The following TAPBPL variants were observed in gnomAD, a reference collection of about 807,000 sequenced individuals.
TAPBPL encodes tapasin-related protein.
A neutral mutation model predicts 44.8 loss-of-function variants in TAPBPL; 32 were observed. The ratio of observed to expected loss-of-function variants is 0.71; its 90% confidence interval spans 0.54 to 0.96. The LOEUF (loss-of-function observed/expected upper bound fraction) is 0.96. Ranked by LOEUF, TAPBPL falls within the 40% of genes least tolerant of loss-of-function variation. The pLI is 0.00. For missense variants in TAPBPL, 520 were observed against 586.6 expected, an observed-to-expected ratio of 0.89 and a Z score of 1.17; for synonymous variants, 230 against 240.7, an observed-to-expected ratio of 0.96 and a Z score of 0.41.
chr12:6,467,397 G>A (rs367929189), downstream of TAPBPL, among the ~76,000 whole-genome samples: 196 of 152,244 alleles, frequency 1.3e-3, 1 homozygote, highest in African/African-American at 4.2e-3. Context: ...AGGCTGAGGT[G>A]GTCTCAGATG....
In TAPBPL at chr12:6,453,223, C is replaced by T; in HGVS notation, c.221C>T (p.Ser74Phe). 1 of 1,613,842 alleles carries T rather than the reference C, an allele frequency of 6.2e-7. No individual in the cohort carries two copies. The highest frequency in any genetic ancestry group is 8.5e-7 in the Non-Finnish European group (1 of 1,179,922). Residue 74 changes from serine to phenylalanine, a missense_variant, in exon 2 of 7, where the codon TCC becomes TTC. Physicochemically the swap from Ser to Phe is radical, Grantham distance 155. Transcript: ENST00000266556. The surrounding 1 kb of genome is among the most constrained non-coding windows in gnomAD (Gnocchi z 4.8). ...LKQVPVLDDG[S>F]LEDFTDFQGG... Reference sequence around the variant, plus strand: ...CAGGTGCCAGTGCTGGACGATGGCTCCCTGGAGGACTTCACCGATTTCCAA... The same window carrying T: ...CAGGTGCCAGTGCTGGACGATGGCTTCCTGGAGGACTTCACCGATTTCCAA...
At chr12:6,466,364 A>G (rs1950025798), downstream of TAPBPL, 1 of 1,611,298 alleles carries the variant, frequency 6.2e-7, no homozygotes, top group African/African-American at 1.3e-5. Context: ...GTGGAAAGAC[A>G]TGTGCAGAGT....
chr12:6,467,358 T>C (rs972535319), downstream of TAPBPL, among the ~76,000 whole-genome samples: 6 of 152,144 alleles, frequency 3.9e-5, no homozygotes, highest in Admixed American at 2.6e-4. Flanking sequence ...TTGACAAAAA[T>C]GCTGTTAGTG....
downstream of TAPBPL, chr12:6,465,416 A>ATATATATATACATGTATATATATGTG (rs1565526280): frequency 1.1e-5 from 1 of 93,504 alleles, no homozygotes; most frequent in Non-Finnish European, 1.9e-5. Context: ...ATATATATGT[A>ATATATATATACATGTATATATATGTG]TATATATATA....
chr12:6,465,419 T>A (rs1447041360), downstream of TAPBPL: 33 of 103,096 alleles, frequency 3.2e-4, no homozygotes, highest in East Asian at 1.3e-3. Flanking sequence ...TATATGTATA[T>A]ATATATATAA....
downstream of TAPBPL, chr12:6,463,320 TC>T: frequency 1.7e-6 from 2 of 1,181,868 alleles, no homozygotes; most frequent in Non-Finnish European, 2.1e-6. The surrounding 1 kb of genome is among the most constrained non-coding windows in gnomAD (Gnocchi z 4.0). Context: ...CTGGCACGCC[TC>T]CCCCCAAGGT....
At chr12:6,466,523 AACAG>A, downstream of TAPBPL, 1 of 595,310 alleles carries the variant, frequency 1.7e-6, no homozygotes, top group African/African-American at 1.9e-5. Context: ...TCTCTAAAAA[AACAG>A]ACAAAAAGAA....
downstream of TAPBPL, chr12:6,470,628 G>A (rs1288730257): frequency 3.3e-6 from 5 of 1,528,362 alleles, no homozygotes; most frequent in African/African-American, 4.1e-5. Context: ...GAACTGCCAA[G>A]CTCCGCCTCG....
At chr12:6,455,364 T>A (rs1949675837) in intron 3 of TAPBPL, among the ~76,000 whole-genome samples, 1 of 152,186 alleles carries the variant, frequency 6.6e-6, no homozygotes, top group African/African-American at 2.4e-5. Context: ...AGCCATCATG[T>A]CAGAAACAAA....
downstream of TAPBPL, chr12:6,464,856 T>C (rs767853659): frequency 6.2e-7 from 1 of 1,613,744 alleles, no homozygotes; most frequent in South Asian, 1.1e-5. Flanking sequence ...CCTTCCCACC[T>C]CTTCACCCCA....
chr12:6,451,820 A>T (rs776973707), upstream of TAPBPL: 24 of 272,742 alleles, frequency 8.8e-5, no homozygotes, highest in Non-Finnish European at 1.6e-4. Context: ...TCAGCCGGTT[A>T]TGTTGGGGCC....
At chr12:6,454,918 G>A (rs764883688) in intron 3 of TAPBPL, among the ~76,000 whole-genome samples, 28 of 151,852 alleles carry the variant, frequency 1.8e-4, no homozygotes, top group Admixed American at 1.3e-4. Flanking sequence ...AAAATTAGGG[G>A]CAACCGTCCT....
At chr12:6,467,993 CAA>C (rs749342569), downstream of TAPBPL, among the ~76,000 whole-genome samples, 5 of 152,240 alleles carry the variant, frequency 3.3e-5, no homozygotes, top group Non-Finnish European at 7.3e-5. Flanking sequence ...GATGTCCAGG[CAA>C]AAGTTTGCTG....
downstream of TAPBPL, chr12:6,470,416 G>A: frequency 9.3e-6 from 14 of 1,503,860 alleles, no homozygotes; most frequent in Non-Finnish European, 1.3e-5. Context: ...CGCGGTGGTA[G>A]TTCCCCGCGT....
chr12:6,452,469 G>T, intron 1 of TAPBPL, 157 bp downstream of exon 1: 7 of 1,429,020 alleles, frequency 4.9e-6, no homozygotes, highest in South Asian at 1.5e-5. Flanking sequence ...GCAAAGGAAG[G>T]AACCAATAGT....
chr12:6,463,103 G>T (rs776900454), downstream of TAPBPL: 8 of 1,517,092 alleles, frequency 5.3e-6, no homozygotes, highest in Non-Finnish European at 7.0e-6. This position sits in a 1 kb window ranked among gnomAD's most constrained non-coding sequence, Gnocchi z 4.0. Context: ...CAATTGCCCC[G>T]AAGATAGGCT....
At chr12:6,452,016 G>A, upstream of TAPBPL, 2 of 575,964 alleles carry the variant, frequency 3.5e-6, no homozygotes, top group African/African-American at 1.9e-5. Context: ...AAAGGAAACA[G>A]CAAGCAGGGC....
downstream of TAPBPL, chr12:6,470,646 T>A: frequency 7.1e-7 from 1 of 1,405,764 alleles, no homozygotes; most frequent in Non-Finnish European, 9.9e-7. Context: ...TCGCGCCGAC[T>A]ACCCCGCGGT....
downstream of TAPBPL, among the ~76,000 whole-genome samples, chr12:6,467,564 A>G (rs926221524): frequency 6.6e-6 from 1 of 152,230 alleles, no homozygotes; most frequent in African/African-American, 2.4e-5. Context: ...ACGCAGTACT[A>G]AAGAAAAAAA....
Sources: allele counts gnomAD v4.1 joint callset (sites outside exome capture counted in the v4.1 genomes callset), GRCh38; gene constraint gnomAD v4.1.1; non-coding constraint Gnocchi (gnomAD v3.1); transcripts MANE v1.5; gene names NCBI Gene and HGNC (gene_info 2026-07-23, HGNC 2026-07-21).